The following PTPN4 variants were observed in gnomAD, a reference collection of about 807,000 sequenced individuals.
PTPN4 encodes protein tyrosine phosphatase non-receptor type 4.
PTPN4 carries 49 observed loss-of-function variants against 135.5 expected under a neutral mutation model. That is an observed-to-expected ratio of 0.36 (90% CI 0.29 to 0.46). The LOEUF (loss-of-function observed/expected upper bound fraction) is 0.46, where lower values mean the gene tolerates loss of function less well. PTPN4 is among the 20% of genes least tolerant of loss of function. The pLI, the probability that PTPN4 is intolerant of heterozygous loss-of-function variation, is 1.00. For missense variants in PTPN4, 860 were observed against 1,101.0 expected (o/e 0.78, Z 3.10); for synonymous variants, 333 against 369.9 (o/e 0.90, Z 1.14).
chr2:119,968,791 CA>C (rs1021013181), intron 26 of PTPN4, among the ~76,000 whole-genome samples: 4 of 148,952 alleles, frequency 2.7e-5, no homozygotes, highest in Admixed American at 6.7e-5. Flanking sequence ...GACTCAGTCT[CA>C]AAAAAAAAGA....
chr2:119,803,841 C>T (rs1360113809), intron 1 of PTPN4, among the ~76,000 whole-genome samples: 1 of 150,584 alleles, frequency 6.6e-6, no homozygotes, highest in African/African-American at 2.4e-5. Flanking sequence ...TTGGTACATC[C>T]ACATTTAGGA....
At chr2:119,837,708 T>C (rs1162428719) in intron 2 of PTPN4, among the ~76,000 whole-genome samples, 1 of 152,212 alleles carries the variant, frequency 6.6e-6, no homozygotes, top group African/African-American at 2.4e-5. Flanking sequence ...TTTAATTACG[T>C]AGCTAAGCTG....
At chr2:119,906,087 C>T (rs762917696) in intron 10 of PTPN4, among the ~76,000 whole-genome samples, 1 of 151,632 alleles carries the variant, frequency 6.6e-6, no homozygotes, top group African/African-American at 2.4e-5. Context: ...CAAATTTAGT[C>T]GAAGAAAAAG....
chr2:119,843,456 C>A (rs1677414632), intron 2 of PTPN4, among the ~76,000 whole-genome samples: 1 of 136,334 alleles, frequency 7.3e-6, no homozygotes, highest in Non-Finnish European at 1.6e-5. Context: ...CCTTTCTATT[C>A]CACAAAGCCG....
At chr2:119,768,715 C>G (rs941241729) in intron 1 of PTPN4, among the ~76,000 whole-genome samples, 2 of 152,170 alleles carry the variant, frequency 1.3e-5, no homozygotes, top group African/African-American at 4.8e-5. Context: ...TTTCTCCTTG[C>G]TTGCCGCCTC....
intron 2 of PTPN4, among the ~76,000 whole-genome samples, chr2:119,824,151 G>C (rs565793659): frequency 3.9e-5 from 6 of 152,086 alleles, no homozygotes; most frequent in African/African-American, 1.4e-4. Flanking sequence ...TTCTGTTATG[G>C]CTAGAGAACA....
At chr2:119,910,295 C>T (rs1265882565) in intron 10 of PTPN4, among the ~76,000 whole-genome samples, 2 of 152,032 alleles carry the variant, frequency 1.3e-5, no homozygotes, top group Non-Finnish European at 2.9e-5. Context: ...TCTTAATAGA[C>T]TACAGTATAG....
chr2:119,888,678 G>T (rs1212591522), intron 9 of PTPN4, among the ~76,000 whole-genome samples: 7 of 152,056 alleles, frequency 4.6e-5, no homozygotes, highest in Non-Finnish European at 1.0e-4. Flanking sequence ...ATAATGTATT[G>T]TATCTGATTG....
At chr2:119,911,286 A>C (rs193191929) in intron 10 of PTPN4, among the ~76,000 whole-genome samples, 48 of 152,264 alleles carry the variant, frequency 3.2e-4, no homozygotes, top group African/African-American at 1.2e-3. Flanking sequence ...GTAATATATA[A>C]AAATGACAAT....
chr2:119,914,723 G>A (rs976765035), intron 10 of PTPN4, among the ~76,000 whole-genome samples: 1 of 152,096 alleles, frequency 6.6e-6, no homozygotes, highest in Non-Finnish European at 1.5e-5. Flanking sequence ...CATATTGATT[G>A]TACTAATAAG....
At chr2:119,928,903 A>G (rs1678862940) in intron 13 of PTPN4, among the ~76,000 whole-genome samples, 3 of 152,258 alleles carry the variant, frequency 2.0e-5, no homozygotes, top group South Asian at 4.1e-4. Flanking sequence ...TGGTTTCTTT[A>G]TAAGTGTTAA....
chr2:119,923,691 A>T (rs1259964970), intron 12 of PTPN4, among the ~76,000 whole-genome samples: 121 of 152,240 alleles, frequency 7.9e-4, no homozygotes, highest in African/African-American at 2.6e-3. Context: ...ACTTTTTATC[A>T]GGTATAAAAA....
chr2:119,773,667 C>T (rs1042705572), intron 1 of PTPN4, among the ~76,000 whole-genome samples: 3 of 147,958 alleles, frequency 2.0e-5, no homozygotes, highest in Non-Finnish European at 3.0e-5. Flanking sequence ...ACCCAGGAGG[C>T]AGAGGTTGCA....
intron 2 of PTPN4, among the ~76,000 whole-genome samples, chr2:119,851,728 C>T (rs1346651471): frequency 2.6e-5 from 4 of 152,174 alleles, no homozygotes; most frequent in Non-Finnish European, 5.9e-5. Context: ...TTTACTTCTC[C>T]CTGGGGCCTG....
chr2:119,815,573 A>C (rs1420143660), intron 2 of PTPN4, among the ~76,000 whole-genome samples: 8 of 152,210 alleles, frequency 5.3e-5, no homozygotes, highest in Non-Finnish European at 4.4e-5. Context: ...ATATATATAC[A>C]CAGAAATTTT....
At chr2:119,881,972 GTT>G in intron 6 of PTPN4, 123 bp from the exon 7 acceptor site, 1 of 1,113,118 alleles carries the variant, frequency 9.0e-7, no homozygotes, top group Non-Finnish European at 1.3e-6. Context: ...CATCAGATAA[GTT>G]TATTTCTTAA....
chr2:119,928,161 G>A (rs1451463285), intron 13 of PTPN4, among the ~76,000 whole-genome samples: 1 of 152,046 alleles, frequency 6.6e-6, no homozygotes, highest in Admixed American at 6.5e-5. Flanking sequence ...CTAGCATATC[G>A]TGCACATTTT....
At chr2:119,900,682 T>G in intron 9 of PTPN4, 36 bp from the exon 10 acceptor site, 2 of 1,268,680 alleles carry the variant, frequency 1.6e-6, no homozygotes. Flanking sequence ...GCCCATAAAT[T>G]TAGATTTATC....
intron 2 of PTPN4, among the ~76,000 whole-genome samples, chr2:119,838,005 C>T (rs376263909): frequency 2.0e-5 from 3 of 152,302 alleles, no homozygotes; most frequent in East Asian, 3.9e-4. Flanking sequence ...GAATCCAGGC[C>T]GGTAGCGCGA....
Sources: allele counts gnomAD v4.1 joint callset (sites outside exome capture counted in the v4.1 genomes callset), GRCh38; gene constraint gnomAD v4.1.1; transcripts MANE v1.5; gene names NCBI Gene and HGNC (gene_info 2026-07-23, HGNC 2026-07-21).